GSG1L: variants seen among roughly 807,000 people sequenced by gnomAD.
GSG1L encodes the protein GSG1 like.
Under a neutral mutation model 42.1 loss-of-function variants are expected in GSG1L, and 24 were observed. The ratio of observed to expected loss-of-function variants is 0.57; its 90% CI spans 0.41 to 0.80. The LOEUF is 0.80. GSG1L is among the 30% of genes least tolerant of loss of function. GSG1L has a pLI of 0.00. For synonymous variants in GSG1L, 215 were observed against 203.5 expected (o/e 1.06, Z -0.48); for missense variants, 445 against 472.2 (o/e 0.94, Z 0.53).
chr16:28,013,273 G>A (rs1319512659), intron 1 of GSG1L, among the ~76,000 whole-genome samples: 1 of 151,826 alleles, frequency 6.6e-6, no homozygotes, highest in African/African-American at 2.4e-5. Context: ...GGATAATGGA[G>A]AGAGCCAACC....
At chr16:27,969,733 T>A (rs1338625888) in intron 1 of GSG1L, among the ~76,000 whole-genome samples, 1 of 152,244 alleles carries the variant, frequency 6.6e-6, no homozygotes, top group Admixed American at 6.5e-5. Context: ...AGGAATAGAA[T>A]TGCTGAGTCA....
At chr16:27,854,793 G>A (rs571369143) in intron 3 of GSG1L, among the ~76,000 whole-genome samples, 2 of 152,292 alleles carry the variant, frequency 1.3e-5, no homozygotes, top group South Asian at 4.2e-4. Context: ...TCCCCAAGAT[G>A]AGCGTGGGCC....
intron 1 of GSG1L, among the ~76,000 whole-genome samples, chr16:28,005,129 T>C (rs2085624558): frequency 6.6e-6 from 1 of 152,296 alleles, no homozygotes; most frequent in Non-Finnish European, 1.5e-5. Flanking sequence ...CTCCTTTTTT[T>C]TGAGATGGAG....
At chr16:27,840,744 A>G (rs2083371450) in intron 4 of GSG1L, among the ~76,000 whole-genome samples, 1 of 152,192 alleles carries the variant, frequency 6.6e-6, no homozygotes, top group Non-Finnish European at 1.5e-5. Flanking sequence ...GCTCATGCAG[A>G]TACTGTGGTT....
At chr16:27,871,521 C>T (rs1270671582) in intron 3 of GSG1L, among the ~76,000 whole-genome samples, 2 of 152,058 alleles carry the variant, frequency 1.3e-5, no homozygotes, top group Non-Finnish European at 2.9e-5. Flanking sequence ...ACACGTGGTC[C>T]CAGCTACTCA....
chr16:27,844,784 A>G (rs1017341152), intron 4 of GSG1L, among the ~76,000 whole-genome samples, 166 bp downstream of exon 4: 8 of 151,988 alleles, frequency 5.3e-5, no homozygotes, highest in African/African-American at 1.2e-4. Flanking sequence ...TAGTTTGCCA[A>G]TCCCTGCCCT....
At chr16:28,041,392 C>T (rs1251668604) in intron 1 of GSG1L, among the ~76,000 whole-genome samples, 3 of 151,988 alleles carry the variant, frequency 2.0e-5, no homozygotes, top group Non-Finnish European at 4.4e-5. Flanking sequence ...ATCAAGGTTG[C>T]AGTGAGCTGC....
chr16:27,982,520 C>A (rs555616586), intron 1 of GSG1L, among the ~76,000 whole-genome samples: 15 of 152,138 alleles, frequency 9.9e-5, no homozygotes, highest in African/African-American at 3.6e-4. Flanking sequence ...GCAAAGGGCT[C>A]TAAGGCTCCA....
chr16:28,054,487 A>T (rs1009352073), intron 1 of GSG1L, among the ~76,000 whole-genome samples: 7 of 151,960 alleles, frequency 4.6e-5, no homozygotes, highest in African/African-American at 1.7e-4. Context: ...AAATTAGCCC[A>T]GTGTAGTGGC....
chr16:27,997,481 C>A lies in GSG1L; in HGVS notation c.350-34278G>T, dbSNP rs113403252. ...ATTACATGTGCCCACCATCATGGTT[C>A]TCCACTTTTAAGGACTCATGGAATG... On this transcript the variant is annotated intron_variant, in intron 1 of 6. Coordinates refer to ENST00000447459, the MANE Select transcript of GSG1L (RefSeq NM_001109763.2). Among the ~76,000 whole-genome samples the A allele has an allele frequency of 2.5e-4, 38 of 151,592 alleles. No homozygotes were observed. In the Middle Eastern group the frequency reaches 0.02, roughly 81 times the overall value.
intron 6 of GSG1L, among the ~76,000 whole-genome samples, chr16:27,794,100 G>A (rs1048194041): frequency 6.6e-6 from 1 of 152,060 alleles, no homozygotes; most frequent in African/African-American, 2.4e-5. Context: ...CTGCAGCCTC[G>A]AGCTCCTAGG....
At chr16:27,917,050 C>T (rs891603647) in intron 2 of GSG1L, among the ~76,000 whole-genome samples, 1 of 152,110 alleles carries the variant, frequency 6.6e-6, no homozygotes, top group Non-Finnish European at 1.5e-5. Flanking sequence ...GAGGTGGGAG[C>T]AAGCTTGCTT....
chr16:27,914,140 A>G (rs915971521), intron 2 of GSG1L, among the ~76,000 whole-genome samples: 1 of 152,144 alleles, frequency 6.6e-6, no homozygotes, highest in Non-Finnish European at 1.5e-5. Context: ...TGCTATTATA[A>G]GTAATGATGC....
chr16:27,986,569 C>G (rs1206150098), intron 1 of GSG1L, among the ~76,000 whole-genome samples: 1 of 151,282 alleles, frequency 6.6e-6, no homozygotes, highest in Non-Finnish European at 1.5e-5. Context: ...GAAACACTTG[C>G]GACAAAGGGA....
At position 27,979,730 on chromosome 16, in the gene GSG1L, A is replaced by AAG. The variant is rs1567542974; in HGVS notation, c.350-16528_350-16527insCT. ...AGGAAGGAAGGAAGGAAGGAAGGAA[A>AAG]GAAAAAGAAAGAAAGAAAGGAAAGA... On this transcript the variant is annotated intron_variant, in intron 1 of 6. Transcript: ENST00000447459. Among the ~76,000 whole-genome samples, 185 of 62,294 alleles carry AAG rather than the reference A, an allele frequency of 3.0e-3. 16 individuals carry two copies. Among genetic ancestry groups the AAG allele is most frequent in the African/African-American group, 0.01 (174 of 17,228 alleles). 40.9% of individuals were successfully genotyped at this position (62,294 alleles called of 152,430 possible).
rs74015189 is a variant in GSG1L at position 27,981,110 on chromosome 16, T to C, written c.350-17907A>G. On this transcript the variant is annotated intron_variant, in intron 1 of 6. Coordinates refer to ENST00000447459, the MANE Select transcript of GSG1L (RefSeq NM_001109763.2). ...TAAAATTCATTCCTCCTAAGGAAAGTCCCACACACCCTCCAGAGACCCCAC... is the reference window on the plus strand; with the variant it reads ...TAAAATTCATTCCTCCTAAGGAAAGCCCCACACACCCTCCAGAGACCCCAC... 6.5e-3 allele frequency among the ~76,000 whole-genome samples: 983 copies of C among 152,082 alleles called. 15 individuals carry two copies. The highest frequency in any genetic ancestry group is 0.022 in the African/African-American group (898 of 41,482).
chr16:28,002,168 A>C (rs1050573332), intron 1 of GSG1L, among the ~76,000 whole-genome samples: 1 of 152,218 alleles, frequency 6.6e-6, no homozygotes, highest in African/African-American at 2.4e-5. Flanking sequence ...ACAAATAAAT[A>C]AACAACAGAT....
rs2086321756 is a variant in GSG1L, at chr16:28,059,912, T to C, written c.349+3164A>G. 6.6e-6 allele frequency among the ~76,000 whole-genome samples: 1 copy of C among 152,150 alleles called. No homozygotes were observed. Among genetic ancestry groups the C allele is most frequent in the Admixed American group, 6.5e-5 (1 of 15,274 alleles). On this transcript the variant is annotated intron_variant, in intron 1 of 6. Transcript: ENST00000447459. The surrounding 1 kb of genome is among the most constrained non-coding windows in gnomAD (Gnocchi z 4.4). ...TTTTCTTTGTGAACACTGTAGATTT[T>C]TAGTGTGGGAAAAAGGGCTTATTAC...
chr16:27,944,621 C>CA (rs34204819), intron 2 of GSG1L, among the ~76,000 whole-genome samples: 1,234 of 111,560 alleles, frequency 0.011, 21 homozygotes, highest in African/African-American at 0.034. Flanking sequence ...GACTCTGCCT[C>CA]AAAAAAAAAA....
Sources: allele counts gnomAD v4.1 joint callset (sites outside exome capture counted in the v4.1 genomes callset), GRCh38; gene constraint gnomAD v4.1.1; non-coding constraint Gnocchi (gnomAD v3.1); transcripts MANE v1.5; gene names NCBI Gene and HGNC (gene_info 2026-07-23, HGNC 2026-07-21).